The following AP2A2 variants were observed in gnomAD, a reference collection of about 807,000 sequenced individuals.
AP2A2 encodes AP-2 complex subunit alpha-2.
Under a neutral mutation model 104.2 loss-of-function variants are expected in AP2A2, and 32 were observed. The observed-to-expected ratio is 0.31, with a 90% CI of 0.23 to 0.41. The LOEUF (loss-of-function observed/expected upper bound fraction) is 0.41. AP2A2 is among the 10% of genes least tolerant of loss of function. The pLI is 1.00. For synonymous variants in AP2A2, 539 were observed against 533.3 expected (o/e 1.01, Z -0.15); for missense variants, 912 against 1,261.0 (o/e 0.72, Z 4.19).
intron 14 of AP2A2, among the ~76,000 whole-genome samples, chr11:999,003 T>C (rs918413417): frequency 6.6e-6 from 1 of 151,978 alleles, no homozygotes; most frequent in African/African-American, 2.4e-5. Flanking sequence ...GGTGTCCTTT[T>C]TATAGGGAGC....
At chr11:957,277 G>A (rs1854268183) in intron 1 of AP2A2, among the ~76,000 whole-genome samples, 1 of 152,242 alleles carries the variant, frequency 6.6e-6, no homozygotes, top group African/African-American at 2.4e-5. Context: ...TTATCTGGAC[G>A]TTCCCCAAAC....
At chr11:1,006,050 G>A (rs188091365) in intron 16 of AP2A2, among the ~76,000 whole-genome samples, 151 of 152,380 alleles carry the variant, frequency 9.9e-4, no homozygotes, top group Admixed American at 8.4e-3. Flanking sequence ...TGCTGGACGC[G>A]TGCCCAGCCG....
At chr11:980,728 A>G (rs1031113707) in intron 5 of AP2A2, among the ~76,000 whole-genome samples, 2 of 152,248 alleles carry the variant, frequency 1.3e-5, no homozygotes, top group African/African-American at 4.8e-5. Context: ...AGGAGAATGG[A>G]AAAGGACTTC....
chr11:989,510 A>C (rs569263678), intron 10 of AP2A2, among the ~76,000 whole-genome samples: 1 of 152,296 alleles, frequency 6.6e-6, no homozygotes, highest in South Asian at 2.1e-4. Flanking sequence ...TGAGCCCTTG[A>C]ATTAATCCTT....
Position 1,000,407 on chromosome 11 carries a change from G to C in AP2A2, c.1957-25G>C, listed in dbSNP as rs769039921. 1.0e-4 allele frequency: 161 copies of C among 1,542,372 alleles called. 2 individuals are homozygous for C. Among genetic ancestry groups the C allele is most frequent in the Non-Finnish European group, 3.8e-5 (44 of 1,146,886 alleles). ...GGCCAGGCCAGGGAGGCTCTCTGCT[G>C]ATGCTCTCCTTCCTTCTCTTCCAGT... On this transcript the variant is annotated intron_variant, in intron 14 of 21. Coordinates refer to ENST00000448903, the MANE Select transcript of AP2A2 (RefSeq NM_012305.4).
intron 6 of AP2A2, 28 bp downstream of exon 6, chr11:981,327 T>G (rs1589989761): frequency 6.5e-7 from 1 of 1,530,912 alleles, no homozygotes; most frequent in Non-Finnish European, 9.0e-7. Flanking sequence ...GGAGCAGAAG[T>G]CAGGGTGGGT....
intron 1 of AP2A2, among the ~76,000 whole-genome samples, chr11:957,484 C>T (rs1471110084): frequency 1.3e-5 from 2 of 152,200 alleles, no homozygotes; most frequent in Non-Finnish European, 2.9e-5. Context: ...GGTCTTGTGA[C>T]CCACAGTCAG....
intron 4 of AP2A2, 69 bp from the exon 5 acceptor site, chr11:977,026 G>C (rs1046994249): frequency 3.8e-6 from 6 of 1,598,204 alleles, no homozygotes; most frequent in South Asian, 2.2e-5. Flanking sequence ...CTGGCTCTGG[G>C]GGGGTGCTCC....
In AP2A2 at chr11:968,921, C is replaced by G. The variant is rs1021297883; in HGVS notation, c.137-1248C>G. 6.6e-6 allele frequency among the ~76,000 whole-genome samples: 1 copy of G among 152,122 alleles called. No homozygotes were observed. ...AGAGTGCAGCATGCAGCTGACTGGC[C>G]GACTGGTGATGCACCGTTCCCCAGG... On this transcript the variant is annotated intron_variant, in intron 2 of 21. Transcript: ENST00000448903. The surrounding 1 kb of genome is among the most constrained non-coding windows in gnomAD (Gnocchi z 4.2).
At chr11:1,009,919 T>C in intron 21 of AP2A2, 102 bp downstream of exon 21, 1 of 1,388,222 alleles carries the variant, frequency 7.2e-7, no homozygotes, top group Admixed American at 2.3e-5. Context: ...TCAGTCAGTT[T>C]TGACAGATGT....
chr11:959,421 T>C lies in AP2A2; in HGVS notation c.68-16T>C, dbSNP rs2134562616. ...AATCAATTAAAATAAAAATGGCTTT[T>C]TGTTCTTTTTTTTAGGTAAAAGTAA... On this transcript the variant is annotated splice_polypyrimidine_tract_variant and intron_variant, in intron 1 of 21. Transcript: ENST00000448903. 3 of 1,490,778 alleles carry C rather than the reference T, an allele frequency of 2.0e-6. No homozygotes were observed. Among genetic ancestry groups the C allele is most frequent in the Non-Finnish European group, 2.8e-6 (3 of 1,076,560 alleles). 92.3% of individuals were successfully genotyped at this position (1,490,778 alleles called of 1,614,324 possible).
intron 1 of AP2A2, chr11:942,310 A>G (rs1853680031): frequency 6.6e-6 from 1 of 152,260 alleles, no homozygotes; most frequent in Non-Finnish European, 1.5e-5. Context: ...AATTTTAAAT[A>G]GAATGGTGAC....
intron 1 of AP2A2, chr11:946,828 T>G (rs1215391449): frequency 6.6e-6 from 1 of 150,548 alleles, no homozygotes; most frequent in Non-Finnish European, 1.5e-5. Context: ...CATTTGTTGT[T>G]TTAGCCAACC....
chr11:982,594 A>G (rs1855286138), intron 6 of AP2A2, among the ~76,000 whole-genome samples: 1 of 150,938 alleles, frequency 6.6e-6, no homozygotes, highest in Non-Finnish European at 1.5e-5. Context: ...AGTTTGTCAA[A>G]CAGTTTTTAT....
chr11:975,898 CTGA>C (rs1163958359), intron 4 of AP2A2, among the ~76,000 whole-genome samples: 2 of 152,302 alleles, frequency 1.3e-5, no homozygotes, highest in East Asian at 3.9e-4. Context: ...TTGGTGTGAG[CTGA>C]TGATTTAGAC....
Position 1,010,827 on chromosome 11 carries a change from G to C in AP2A2, c.*202G>C, listed in dbSNP as rs1856402782. The C allele has an allele frequency of 1.5e-6, 1 of 651,108 alleles. No individual in the cohort carries two copies. The highest frequency in any genetic ancestry group is 2.8e-6 in the Non-Finnish European group (1 of 360,266). The allele number at this position is 651,108 out of a possible 1,614,324, so 40.3% of individuals were successfully genotyped here. A position where few individuals can be genotyped will look rare whatever the true frequency, so the allele number is the denominator to read the frequency against. ...CAGGAGGAAAAGCTCAGCCTGGACT[G>C]TGGCAGCCACGGCAGAAGGTGGATC... On this transcript the variant is annotated 3_prime_UTR_variant, in exon 22 of 22. Transcript: ENST00000448903.
intron 1 of AP2A2, among the ~76,000 whole-genome samples, chr11:929,047 C>T (rs951369802): frequency 2.0e-5 from 3 of 152,164 alleles, no homozygotes; most frequent in African/African-American, 7.2e-5. Context: ...GAAGGTGATT[C>T]TTGGGCAATT....
chr11:956,600 C>G (rs985953813), intron 1 of AP2A2, among the ~76,000 whole-genome samples: 3 of 152,146 alleles, frequency 2.0e-5, no homozygotes, highest in South Asian at 4.1e-4. Flanking sequence ...CTCTTTAAGC[C>G]TCAGTTTTCA....
At chr11:973,944 G>A (rs1212030512) in intron 4 of AP2A2, among the ~76,000 whole-genome samples, 5 of 152,202 alleles carry the variant, frequency 3.3e-5, no homozygotes, top group African/African-American at 7.2e-5. Context: ...GCGCGTGAGC[G>A]GAATGCAAGA....
Sources: allele counts gnomAD v4.1 joint callset (sites outside exome capture counted in the v4.1 genomes callset), GRCh38; gene constraint gnomAD v4.1.1; non-coding constraint Gnocchi (gnomAD v3.1); transcripts MANE v1.5; gene names NCBI Gene and HGNC (gene_info 2026-07-23, HGNC 2026-07-21).